The following IFT43 variants were observed in gnomAD, a reference collection of about 807,000 sequenced individuals.
The protein encoded by IFT43 is intraflagellar transport 43, also known as intraflagellar transport protein 43 homolog.
IFT43 carries 33 observed loss-of-function variants against 32.3 expected under a neutral mutation model. That is an observed-to-expected ratio of 1.02 (90% CI 0.77 to 1.37). The LOEUF (loss-of-function observed/expected upper bound fraction) is 1.37, where lower values mean the gene tolerates loss of function less well. Ranked by LOEUF, IFT43 falls within the 40% of genes most tolerant of loss-of-function variation. The probability of loss-of-function intolerance (pLI) is 0.00; values close to 1 mark genes in which losing one functional copy is unlikely to be tolerated. For missense variants in IFT43, 274 were observed against 265.9 expected (o/e 1.03, Z -0.21); for synonymous variants, 93 against 98.2 (o/e 0.95, Z 0.31).
At chr14:76,083,023 G>A (rs1010043552) in intron 7 of IFT43, among the ~76,000 whole-genome samples, 7 of 152,112 alleles carry the variant, frequency 4.6e-5, no homozygotes, top group East Asian at 3.9e-4. Flanking sequence ...CCCAAAGCAC[G>A]CCCAGCATGT....
intron 5 of IFT43, among the ~76,000 whole-genome samples, chr14:76,080,868 GCTT>G (rs1209185953): frequency 6.6e-6 from 1 of 152,226 alleles, no homozygotes. Flanking sequence ...GCTCTGAACA[GCTT>G]CTTTCTAGCT....
intron 5 of IFT43, among the ~76,000 whole-genome samples, chr14:76,068,461 A>C (rs1404669994): frequency 6.6e-6 from 1 of 152,222 alleles, no homozygotes; most frequent in Non-Finnish European, 1.5e-5. Flanking sequence ...TTCTAGGTAG[A>C]ATTACCCACA....
intron 3 of IFT43, among the ~76,000 whole-genome samples, chr14:76,026,451 A>G (rs764432460): frequency 6.6e-6 from 1 of 151,278 alleles, no homozygotes. Flanking sequence ...CCAGCTACTC[A>G]GGAGACCAAG....
At chr14:76,054,547 T>G (rs1363685471) in intron 3 of IFT43, among the ~76,000 whole-genome samples, 1 of 152,240 alleles carries the variant, frequency 6.6e-6, no homozygotes, top group Non-Finnish European at 1.5e-5. Flanking sequence ...TGTATAAAAT[T>G]GTGCTGCTGA....
chr14:76,015,392 G>A (rs2036169684), intron 2 of IFT43, among the ~76,000 whole-genome samples: 1 of 152,160 alleles, frequency 6.6e-6, no homozygotes, highest in Admixed American at 6.5e-5. Flanking sequence ...AGGTTCGCCA[G>A]TGGGAAGCAA....
intron 4 of IFT43, 36 bp from the exon 5 acceptor site, chr14:76,059,291 A>AT (rs2037085771): frequency 1.9e-6 from 3 of 1,613,666 alleles, no homozygotes; most frequent in African/African-American, 2.7e-5. Context: ...TTTGAAACTC[A>AT]TTTTTTGCTG....
intron 3 of IFT43, among the ~76,000 whole-genome samples, chr14:76,050,707 A>G (rs1035517471): frequency 3.9e-5 from 6 of 152,076 alleles, no homozygotes; most frequent in Admixed American, 1.3e-4. Context: ...CTCCTACCAG[A>G]TTGTAAAATC....
chr14:75,996,087 T>C (rs2035741946), intron 2 of IFT43, among the ~76,000 whole-genome samples: 1 of 152,216 alleles, frequency 6.6e-6, no homozygotes, highest in African/African-American at 2.4e-5. Flanking sequence ...TCTTGCTGGC[T>C]TCTGTGAGAC....
At chr14:76,066,929 G>A (rs2037233778) in intron 5 of IFT43, among the ~76,000 whole-genome samples, 1 of 152,232 alleles carries the variant, frequency 6.6e-6, no homozygotes, top group South Asian at 2.1e-4. Flanking sequence ...ATTGAGGAAA[G>A]CCAGCAACTT....
downstream of IFT43, chr14:76,083,858 G>A (rs2037561628): frequency 1.7e-6 from 1 of 575,794 alleles, no homozygotes; most frequent in Non-Finnish European, 3.3e-6. Flanking sequence ...GAGCATGTGG[G>A]AGAGTTCGAT....
At chr14:76,052,832 A>G (rs2036940640) in intron 3 of IFT43, among the ~76,000 whole-genome samples, 1 of 152,266 alleles carries the variant, frequency 6.6e-6, no homozygotes, top group South Asian at 2.1e-4. Context: ...TTAAGCCAAC[A>G]TTAACTACCA....
At position 76,039,573 on chromosome 14, in the gene IFT43, C is replaced by G. The variant is rs1000097528; in HGVS notation, c.215+17179C>G. Among the ~76,000 whole-genome samples the G allele has an allele frequency of 2.0e-5, 3 of 152,156 alleles. No individual in the cohort carries two copies. In the East Asian group the frequency reaches 5.8e-4, roughly 29 times the overall value. On this transcript the variant is annotated intron_variant, in intron 3 of 8. Transcript: ENST00000314067. ...AGAGAAAGGGAGTGGGATGTGGAGA[C>G]AGTATACATTTTTAGATTTTAGTCT...
At chr14:76,030,362 G>A (rs550677908) in intron 3 of IFT43, among the ~76,000 whole-genome samples, 65 of 152,088 alleles carry the variant, frequency 4.3e-4, no homozygotes, top group Admixed American at 1.7e-3. Context: ...GCTTTTCAAC[G>A]CAGCAAGATA....
intron 3 of IFT43, among the ~76,000 whole-genome samples, chr14:76,033,570 G>C (rs984708517): frequency 2.6e-5 from 4 of 151,990 alleles, no homozygotes; most frequent in African/African-American, 9.7e-5. Flanking sequence ...TGAGATTGTT[G>C]AGGCAAAGGA....
chr14:76,000,479 C>T (rs1035885112), intron 2 of IFT43, among the ~76,000 whole-genome samples: 5 of 150,388 alleles, frequency 3.3e-5, no homozygotes, highest in South Asian at 4.2e-4. Context: ...TCACCGTGTT[C>T]GCCAGGATTG....
At chr14:75,986,293 A>T (rs375348630) in intron 1 of IFT43, 147 of 1,258,546 alleles carry the variant, frequency 1.2e-4, no homozygotes, top group Non-Finnish European at 1.5e-4. Flanking sequence ...GCAGGCAGGG[A>T]CGGCCTTTCT....
chr14:76,001,073 A>G (rs1019126955), intron 2 of IFT43, among the ~76,000 whole-genome samples: 1 of 152,298 alleles, frequency 6.6e-6, no homozygotes, highest in Middle Eastern at 3.4e-3. Flanking sequence ...CTTTTTTGAC[A>G]CATAGACCCT....
intron 2 of IFT43, among the ~76,000 whole-genome samples, chr14:76,002,366 A>AG (rs11349013): frequency 9.2e-4 from 138 of 150,588 alleles, no homozygotes; most frequent in Middle Eastern, 6.8e-3. Context: ...TAAAAAGGTA[A>AG]GGGGGGGGGT....
chr14:75,996,033 TGG>T (rs1157096437), intron 2 of IFT43, among the ~76,000 whole-genome samples: 1 of 152,236 alleles, frequency 6.6e-6, no homozygotes, highest in Non-Finnish European at 1.5e-5. Context: ...GCACTGGCTC[TGG>T]CTTTGTCAAA....
Sources: allele counts gnomAD v4.1 joint callset (sites outside exome capture counted in the v4.1 genomes callset), GRCh38; gene constraint gnomAD v4.1.1; transcripts MANE v1.5; gene names NCBI Gene and HGNC (gene_info 2026-07-23, HGNC 2026-07-21).